Variants in THADA observed in about 807,000 individuals in gnomAD.
The protein encoded by THADA is tRNA (32-2'-O)-methyltransferase regulator THADA.
A neutral mutation model predicts 219.8 loss-of-function variants in THADA; 213 were observed. That is an observed-to-expected ratio of 0.97 (90% CI 0.87 to 1.09). The LOEUF is 1.09. THADA is among the 50% of genes least tolerant of loss of function. THADA has a pLI of 0.00. For missense variants in THADA, 2,956 were observed against 2,311.3 expected, an observed-to-expected ratio of 1.28 and a Z score of -5.72; for synonymous variants, 1,018 against 828.9, an observed-to-expected ratio of 1.23 and a Z score of -3.92.
Position 43,292,793 on chromosome 2 carries a change from T to A in THADA, c.4818+41A>T, listed in dbSNP as rs767193780. 3 of 1,578,710 alleles carry A rather than the reference T, an allele frequency of 1.9e-6. No homozygotes were observed. The Admixed American group carries it at 5.1e-5, about 27-fold the overall frequency. On this transcript the variant is annotated intron_variant, in intron 32 of 37. Coordinates refer to ENST00000405975, the MANE Select transcript of THADA (RefSeq NM_022065.5). ...CATTCCAGTGGCTCACAAAAGAATG[T>A]GGGGAGTGTAAAGGGCCAGTCAGTA...
At chr2:43,511,245 G>A (rs1020807672) in intron 22 of THADA, among the ~76,000 whole-genome samples, 1 of 152,156 alleles carries the variant, frequency 6.6e-6, no homozygotes, top group Non-Finnish European at 1.5e-5. Context: ...CAGGACATGA[G>A]AGGTACTTTC....
At chr2:43,282,996 G>A (rs1043405978) in intron 35 of THADA, among the ~76,000 whole-genome samples, 1 of 152,192 alleles carries the variant, frequency 6.6e-6, no homozygotes, top group African/African-American at 2.4e-5. Flanking sequence ...GAATTGGAGT[G>A]GATGGTGGGA....
chr2:43,442,661 T>C (rs2104865037), intron 26 of THADA, among the ~76,000 whole-genome samples: 1 of 152,312 alleles, frequency 6.6e-6, no homozygotes, highest in South Asian at 2.1e-4. Flanking sequence ...CTTATGGGCT[T>C]TGACAGTTTC....
chr2:43,440,147 A>G (rs568900720), intron 26 of THADA, among the ~76,000 whole-genome samples: 8 of 152,320 alleles, frequency 5.3e-5, no homozygotes, highest in African/African-American at 1.9e-4. Flanking sequence ...AATTCAGTGC[A>G]TACAGGTATA....
chr2:43,504,013 T>C (rs1382142620), intron 24 of THADA, among the ~76,000 whole-genome samples: 1 of 152,092 alleles, frequency 6.6e-6, no homozygotes, highest in Non-Finnish European at 1.5e-5. Context: ...TGGAGCATTT[T>C]AGATTTTCAG....
chr2:43,238,134 A>AAAAAAAAAAAAAAAAAAAAAAAAG (rs1668248308), intron 36 of THADA, among the ~76,000 whole-genome samples: 1 of 144,290 alleles, frequency 6.9e-6, no homozygotes, highest in Non-Finnish European at 1.5e-5. Context: ...AAAAAAAAAA[A>AAAAAAAAAAAAAAAAAAAAAAAAG]AAAAAAAAAA....
Position 43,316,783 on chromosome 2 carries a change from C to A in THADA, c.4438+3663G>T, listed in dbSNP as rs566664460. ...TCTCCACTAAGAATACAAAATTAGC[C>A]AGGCGTGGTGGCACATGCCTGTAAT... On this transcript the variant is annotated intron_variant, in intron 31 of 37. Transcript: ENST00000405975. Among the ~76,000 whole-genome samples, 276 of 152,236 alleles carry A rather than the reference C, an allele frequency of 1.8e-3. 4 individuals are homozygous for A. The highest frequency in any genetic ancestry group is 2.2e-3 in the Non-Finnish European group (148 of 68,012).
At position 43,327,723 on chromosome 2, in the gene THADA, T is replaced by C. The variant is rs1573085208; in HGVS notation, c.4344-7183A>G. 2.6e-5 allele frequency among the ~76,000 whole-genome samples: 4 copies of C among 152,200 alleles called. No homozygotes were observed. In the South Asian group the frequency reaches 8.3e-4, roughly 32 times the overall value. ...GAGTTCAAGACCAGCCTGGGCAACATAGTGAGATCCTATCTCAAACAGCAA... is the reference window on the plus strand; with the variant it reads ...GAGTTCAAGACCAGCCTGGGCAACACAGTGAGATCCTATCTCAAACAGCAA... On this transcript the variant is annotated intron_variant, in intron 30 of 37. Transcript: ENST00000405975.
At chr2:43,242,953 G>C (rs1306247250) in intron 36 of THADA, among the ~76,000 whole-genome samples, 5 of 152,212 alleles carry the variant, frequency 3.3e-5, no homozygotes, top group Non-Finnish European at 7.3e-5. Context: ...GCCTTACCCA[G>C]GTGTCCTTGC....
At chr2:43,571,953 G>T (rs1189555294) in intron 12 of THADA, 91 bp from the exon 13 acceptor site, 1 of 1,265,138 alleles carries the variant, frequency 7.9e-7, no homozygotes, top group South Asian at 1.5e-5. Context: ...GGCTACAAAA[G>T]GAAAAAAGTA....
intron 26 of THADA, among the ~76,000 whole-genome samples, chr2:43,450,945 G>A (rs1247503855): frequency 2.0e-5 from 3 of 152,138 alleles, no homozygotes; most frequent in Non-Finnish European, 4.4e-5. Flanking sequence ...GGCACTGGAG[G>A]AAAAGGGGAA....
At chr2:43,388,034 A>G (rs1258672261) in intron 29 of THADA, among the ~76,000 whole-genome samples, 1 of 152,222 alleles carries the variant, frequency 6.6e-6, no homozygotes, top group Non-Finnish European at 1.5e-5. Context: ...TAGTAACTCA[A>G]ATACGTTGGG....
intron 22 of THADA, among the ~76,000 whole-genome samples, chr2:43,523,772 T>C (rs902554781): frequency 2.0e-4 from 31 of 152,246 alleles, no homozygotes; most frequent in Non-Finnish European, 4.0e-4. Context: ...AATAAATATC[T>C]GTAGATTAAG....
chr2:43,572,301 G>A (rs1699385670), intron 12 of THADA, among the ~76,000 whole-genome samples: 1 of 152,154 alleles, frequency 6.6e-6, no homozygotes, highest in African/African-American at 2.4e-5. Context: ...AAAACCAGCT[G>A]GTGCCTGGGA....
At chr2:43,295,856 G>C (rs1675305370) in intron 31 of THADA, among the ~76,000 whole-genome samples, 1 of 151,830 alleles carries the variant, frequency 6.6e-6, no homozygotes, top group Admixed American at 6.6e-5. Context: ...GACTGGACTT[G>C]GGCTCCAACA....
intron 28 of THADA, among the ~76,000 whole-genome samples, chr2:43,412,127 GAT>G (rs991463224): frequency 5.3e-5 from 8 of 152,098 alleles, no homozygotes; most frequent in Non-Finnish European, 1.0e-4. Context: ...CTTCACAGGG[GAT>G]ACACACATGA....
At chr2:43,366,584 C>G (rs1670183606) in intron 29 of THADA, among the ~76,000 whole-genome samples, 1 of 152,144 alleles carries the variant, frequency 6.6e-6, no homozygotes, top group Admixed American at 6.5e-5. Flanking sequence ...AATAGGAAAG[C>G]AAAAGTTTAC....
intron 28 of THADA, among the ~76,000 whole-genome samples, chr2:43,426,813 A>C (rs970718243): frequency 1.1e-4 from 17 of 152,196 alleles, no homozygotes; most frequent in Non-Finnish European, 1.6e-4. Context: ...CTCCAAATCC[A>C]CTTCAATTTT....
intron 26 of THADA, among the ~76,000 whole-genome samples, chr2:43,483,454 C>G (rs1686491240): frequency 6.6e-6 from 1 of 152,274 alleles, no homozygotes; most frequent in South Asian, 2.1e-4. Context: ...ATGGGTTAAA[C>G]AGGGAACAGA....
Sources: gnomAD v4.1 joint callset for allele counts (sites outside exome capture counted in the v4.1 genomes callset) on GRCh38, gnomAD v4.1.1 for gene constraint, MANE v1.5 for transcripts, NCBI Gene and HGNC (gene_info 2026-07-23, HGNC 2026-07-21) for gene names.